TJP1: variants seen among roughly 807,000 people sequenced by gnomAD.
The protein encoded by TJP1 is tight junction protein 1.
In TJP1, 43 loss-of-function variants were observed where a neutral mutation model predicts 194.2. The observed-to-expected ratio is 0.22, with a 90% CI of 0.17 to 0.29. The LOEUF (loss-of-function observed/expected upper bound fraction) is 0.29. TJP1 is among the 10% of genes least tolerant of loss of function. The probability of loss-of-function intolerance (pLI) is 1.00; values close to 1 mark genes in which losing one functional copy is unlikely to be tolerated. For missense variants in TJP1, 1,971 were observed against 2,185.7 expected, an observed-to-expected ratio of 0.90 and a Z score of 1.96; for synonymous variants, 801 against 779.0, an observed-to-expected ratio of 1.03 and a Z score of -0.47.
intron 25 of TJP1, 91 bp downstream of exon 25, chr15:29,708,468 T>C: frequency 3.8e-6 from 4 of 1,046,768 alleles, no homozygotes; most frequent in Non-Finnish European, 5.7e-6. Context: ...GTTAAAAAGA[T>C]CACTTTAAAG....
chr15:29,950,084 ATCTTCACCACCACCT>A (rs1567227693), intron 2 of TJP1, among the ~76,000 whole-genome samples: 2 of 9,718 alleles, frequency 2.1e-4, no homozygotes, highest in Admixed American at 1.2e-3. Context: ...CACCACCACC[ATCTTCACCACCACCT>A]CCACCACCAC....
intron 2 of TJP1, among the ~76,000 whole-genome samples, chr15:29,929,773 CA>C (rs2054645989): frequency 6.6e-6 from 1 of 151,712 alleles, no homozygotes; most frequent in African/African-American, 2.4e-5. Flanking sequence ...TATAAGATAA[CA>C]GGGGCAGAAA....
At chr15:29,718,222 T>C (rs2042691015) in intron 21 of TJP1, 44 bp downstream of exon 21, 1 of 1,597,644 alleles carries the variant, frequency 6.3e-7, no homozygotes, top group South Asian at 1.1e-5. Flanking sequence ...AGAAGCCTTT[T>C]AAACGGTGTG....
At chr15:29,872,989 G>A (rs1317328578) in intron 2 of TJP1, among the ~76,000 whole-genome samples, 2 of 152,220 alleles carry the variant, frequency 1.3e-5, no homozygotes, top group African/African-American at 2.4e-5. Flanking sequence ...AAACACACAT[G>A]TGCACGCACC....
chr15:29,847,479 T>G (rs951501617), intron 2 of TJP1, among the ~76,000 whole-genome samples: 1 of 152,186 alleles, frequency 6.6e-6, no homozygotes, highest in African/African-American at 2.4e-5. Flanking sequence ...TTGATGCCAC[T>G]CTACACTTTT....
chr15:29,826,857 G>A (rs148759780), upstream of TJP1, among the ~76,000 whole-genome samples: 1,114 of 152,242 alleles, frequency 7.3e-3, 6 homozygotes, highest in Admixed American at 0.014. Flanking sequence ...AAGGACTTTC[G>A]TTTTGGATGT....
intron 27 of TJP1, among the ~76,000 whole-genome samples, 175 bp downstream of exon 27, chr15:29,703,987 T>C (rs767722069): frequency 6.6e-6 from 1 of 152,210 alleles, no homozygotes; most frequent in Non-Finnish European, 1.5e-5. Flanking sequence ...TACCTTTCCA[T>C]ATTTATTTAC....
chr15:29,923,335 T>C (rs905762376), intron 2 of TJP1, among the ~76,000 whole-genome samples: 2 of 152,186 alleles, frequency 1.3e-5, no homozygotes, highest in Non-Finnish European at 2.9e-5. Context: ...AATGTAAGGA[T>C]GCTGGAGAAA....
intron 2 of TJP1, among the ~76,000 whole-genome samples, chr15:29,950,129 TCCACCACCACCACAACCA>T (rs1776194139): frequency 1.5e-4 from 3 of 20,134 alleles, no homozygotes; most frequent in African/African-American, 8.0e-4. Context: ...AACCACCACC[TCCACCACCACCACAACCA>T]CCACCTCCAC....
chr15:29,720,389 T>A lies in TJP1; in HGVS notation c.2732A>T (p.Asp911Val). ...AGAGGCTGGCTTAAATCCAGGGGAG[T>A]CTATTCTATGAATTGGTTGTGGCTG... ...QAQPQPIHRIDSPGFKPASQQ... is the reference protein window; with the variant it reads ...QAQPQPIHRIVSPGFKPASQQ... The change falls in exon 19 of 28, where the codon GAC becomes GTC. Residue 911 changes from aspartate (D) to valine (V), a missense_variant. Physicochemically the swap from Asp to Val is radical, Grantham distance 152 (BLOSUM62 -3). Around this residue, in one of 5 missense-constraint regions of TJP1, gnomAD observed 1,108 missense variants for 1,128.5 expected, o/e 0.98. Transcript: ENST00000614355. The A allele has an allele frequency of 6.2e-7, 1 of 1,606,334 alleles. No homozygotes were observed. The highest frequency in any genetic ancestry group is 1.1e-5 in the South Asian group (1 of 89,624).
chr15:29,787,559 T>A (rs919738887), intron 2 of TJP1, among the ~76,000 whole-genome samples: 2 of 152,216 alleles, frequency 1.3e-5, no homozygotes, highest in African/African-American at 4.8e-5. Context: ...AACTCTCTAT[T>A]CACCTATTCT....
In TJP1 at chr15:29,927,695, G is replaced by A. The variant is rs745859927; in HGVS notation, c.306+28537C>T. ...ATGGAGGTCTGAGAAGGTGAGCCAC[G>A]CATATGGGGCCATCTTCCCCTTGGG... On this transcript the variant is annotated intron_variant, in intron 2 of 28. Coordinates refer to the TJP1 transcript ENST00000356107. Among the ~76,000 whole-genome samples the A allele has an allele frequency of 4.6e-5, 7 of 152,250 alleles. No individual in the cohort carries two copies. The East Asian group carries it at 7.7e-4, about 17-fold the overall frequency.
chr15:29,797,893 A>G (rs1035379190), intron 2 of TJP1, among the ~76,000 whole-genome samples: 4 of 152,234 alleles, frequency 2.6e-5, no homozygotes, highest in Non-Finnish European at 5.9e-5. Flanking sequence ...ACATTTTACC[A>G]AAGATATATG....
At chr15:29,703,277 C>T (rs1244237813) in intron 27 of TJP1, among the ~76,000 whole-genome samples, 1 of 151,976 alleles carries the variant, frequency 6.6e-6, no homozygotes, top group Non-Finnish European at 1.5e-5. Flanking sequence ...TGGTGAAACC[C>T]CGTCTCTACT....
chr15:29,875,144 T>C (rs1281255625), intron 2 of TJP1, among the ~76,000 whole-genome samples: 2 of 152,170 alleles, frequency 1.3e-5, no homozygotes, highest in Non-Finnish European at 2.9e-5. Flanking sequence ...CAGTTCCTTA[T>C]AAGGAGTGTG....
At chr15:29,794,905 AG>A (rs956061458) in intron 2 of TJP1, among the ~76,000 whole-genome samples, 4 of 152,348 alleles carry the variant, frequency 2.6e-5, no homozygotes, top group Non-Finnish European at 2.9e-5. Context: ...AACAGAATAA[AG>A]AATGTCACTG....
rs576567402 is a variant in TJP1 at position 29,819,062 on chromosome 15, C to A, written c.27+2940G>T. On this transcript the variant is annotated intron_variant, in intron 1 of 27. Coordinates refer to ENST00000614355, the MANE Select transcript of TJP1 (RefSeq NM_001330239.4). ...CGAACTCCTGACCTCAAGTGACCCA[C>A]CCGCCTTTATTACTTCTTTAGTATC... Among the ~76,000 whole-genome samples the A allele has an allele frequency of 5.9e-5, 9 of 152,346 alleles. No individual in the cohort carries two copies. The East Asian group carries it at 1.7e-3, about 29-fold the overall frequency.
chr15:29,739,741 G>A (rs149594013), intron 10 of TJP1, among the ~76,000 whole-genome samples: 70 of 152,040 alleles, frequency 4.6e-4, no homozygotes, highest in African/African-American at 1.6e-3. Flanking sequence ...CACTGCGCCC[G>A]GCCAGTCTCT....
At chr15:29,796,802 G>A (rs907376130) in intron 2 of TJP1, among the ~76,000 whole-genome samples, 1 of 152,168 alleles carries the variant, frequency 6.6e-6, no homozygotes, top group East Asian at 1.9e-4. Flanking sequence ...CGATGCATAA[G>A]TAACTGGTAA....
Sources: gnomAD v4.1 joint callset for allele counts (sites outside exome capture counted in the v4.1 genomes callset) on GRCh38, gnomAD v4.1.1 for gene constraint, gnomAD v4.1.1 regional missense constraint, MANE v1.5 for transcripts, NCBI Gene and HGNC (gene_info 2026-07-23, HGNC 2026-07-21) for gene names.